The following PRKG1 variants were observed in gnomAD, a reference collection of about 807,000 sequenced individuals.
PRKG1 encodes the protein protein kinase cGMP-dependent 1.
A neutral mutation model predicts 88.1 loss-of-function variants in PRKG1; 35 were observed. The ratio of observed to expected loss-of-function variants is 0.40; its 90% CI spans 0.30 to 0.53. The LOEUF (loss-of-function observed/expected upper bound fraction) is 0.53, where lower values mean the gene tolerates loss of function less well. Ranked by LOEUF, PRKG1 falls within the 20% of genes least tolerant of loss-of-function variation. The pLI is 0.59. For missense variants in PRKG1, 540 were observed against 839.8 expected, an observed-to-expected ratio of 0.64 and a Z score of 4.41; for synonymous variants, 303 against 292.5, an observed-to-expected ratio of 1.04 and a Z score of -0.37.
At chr10:51,349,454 T>TTGTGTGTGTGTGTG (rs34302728) in intron 2 of PRKG1, among the ~76,000 whole-genome samples, 4 of 97,358 alleles carry the variant, frequency 4.1e-5, no homozygotes, top group African/African-American at 1.5e-4. Flanking sequence ...TTCATATTGT[T>TTGTGTGTGTGTGTG]TGTGTGTGTG....
At chr10:51,323,268 C>A (rs957950047) in intron 2 of PRKG1, among the ~76,000 whole-genome samples, 1 of 152,098 alleles carries the variant, frequency 6.6e-6, no homozygotes, top group African/African-American at 2.4e-5. Context: ...AAATAATTAC[C>A]TTTTTATCTC....
At chr10:51,886,023 C>A (rs964660437) in intron 4 of PRKG1, among the ~76,000 whole-genome samples, 3 of 152,086 alleles carry the variant, frequency 2.0e-5, no homozygotes, top group African/African-American at 7.2e-5. Flanking sequence ...CTTTTCTTTT[C>A]TTTTAAAAAA....
chr10:51,457,113 A>C (rs931965619), intron 2 of PRKG1, among the ~76,000 whole-genome samples: 4 of 152,216 alleles, frequency 2.6e-5, no homozygotes, highest in Non-Finnish European at 4.4e-5. Context: ...TACATGAAAA[A>C]GACACTTGCA....
intron 9 of PRKG1, among the ~76,000 whole-genome samples, chr10:52,206,543 G>T (rs1394228509): frequency 6.6e-6 from 1 of 152,202 alleles, no homozygotes; most frequent in Non-Finnish European, 1.5e-5. Context: ...GGAAGGTGAT[G>T]TTCCTTAATC....
intron 7 of PRKG1, chr10:52,128,640 A>G (rs1004089596): frequency 1.4e-5 from 13 of 941,590 alleles, no homozygotes; most frequent in Non-Finnish European, 1.4e-5. Flanking sequence ...AAAATGTTAG[A>G]AGTGGCTTAA....
chr10:51,711,597 C>G (rs933801725), intron 3 of PRKG1, among the ~76,000 whole-genome samples: 7 of 152,152 alleles, frequency 4.6e-5, no homozygotes, highest in African/African-American at 1.7e-4. Flanking sequence ...CTGAAGTTGT[C>G]TTGCCTTTAG....
intron 5 of PRKG1, among the ~76,000 whole-genome samples, chr10:52,034,301 A>C: frequency 7.3e-6 from 1 of 137,078 alleles, no homozygotes. Flanking sequence ...TGGAGAGAGA[A>C]TGGGCGATGT....
chr10:51,354,908 T>C (rs1842331721), intron 2 of PRKG1, among the ~76,000 whole-genome samples: 1 of 152,086 alleles, frequency 6.6e-6, no homozygotes, highest in African/African-American at 2.4e-5. Flanking sequence ...GCTCAGATGC[T>C]GACAGTTATA....
intron 3 of PRKG1, among the ~76,000 whole-genome samples, chr10:51,681,826 A>G (rs1840857975): frequency 6.6e-6 from 1 of 152,210 alleles, no homozygotes; most frequent in South Asian, 2.1e-4. Flanking sequence ...GAAATGTTTA[A>G]TTGATATTAT....
chr10:51,930,032 C>G (rs993007436), intron 5 of PRKG1, among the ~76,000 whole-genome samples: 8 of 152,086 alleles, frequency 5.3e-5, no homozygotes, highest in Non-Finnish European at 1.2e-4. Flanking sequence ...TAGGTAGCAG[C>G]ATGTCTAGAG....
chr10:51,276,910 T>C (rs1840137231), intron 2 of PRKG1, among the ~76,000 whole-genome samples: 1 of 152,218 alleles, frequency 6.6e-6, no homozygotes, highest in South Asian at 2.1e-4. Context: ...ATTCTGTAGG[T>C]TGCCTGTTCA....
At chr10:51,358,512 A>G (rs895843800) in intron 2 of PRKG1, among the ~76,000 whole-genome samples, 11 of 151,954 alleles carry the variant, frequency 7.2e-5, no homozygotes, top group African/African-American at 2.4e-4. Flanking sequence ...TTTAGAAAAT[A>G]TAGTCTGCTA....
intron 3 of PRKG1, among the ~76,000 whole-genome samples, chr10:51,506,557 A>G (rs1396420942): frequency 6.6e-6 from 1 of 152,238 alleles, no homozygotes; most frequent in East Asian, 1.9e-4. Flanking sequence ...AAAAATGCTC[A>G]TCATCACTGG....
At chr10:51,700,183 T>C (rs1444930836) in intron 3 of PRKG1, among the ~76,000 whole-genome samples, 2 of 152,222 alleles carry the variant, frequency 1.3e-5, no homozygotes, top group Non-Finnish European at 2.9e-5. Context: ...ACAAGAAATA[T>C]AAACTGAAGC....
chr10:51,083,528 T>TTC (rs1554834685), intron 1 of PRKG1, among the ~76,000 whole-genome samples: 33 of 151,414 alleles, frequency 2.2e-4, no homozygotes, highest in Non-Finnish European at 8.8e-5. Context: ...TTTTTTTTTT[T>TTC]CCTACAGATA....
chr10:51,601,230 A>T (rs1255441169), intron 3 of PRKG1, among the ~76,000 whole-genome samples: 1 of 151,868 alleles, frequency 6.6e-6, no homozygotes, highest in East Asian at 1.9e-4. Context: ...CAGATTAGCT[A>T]CTCCCCATAT....
At chr10:51,426,680 A>C (rs916666974) in intron 2 of PRKG1, among the ~76,000 whole-genome samples, 1 of 152,122 alleles carries the variant, frequency 6.6e-6, no homozygotes, top group Non-Finnish European at 1.5e-5. Flanking sequence ...AAAGACAAAA[A>C]TATATGTGTG....
At chr10:51,755,150 T>C (rs1837826326) in intron 3 of PRKG1, among the ~76,000 whole-genome samples, 1 of 152,198 alleles carries the variant, frequency 6.6e-6, no homozygotes, top group Non-Finnish European at 1.5e-5. Flanking sequence ...CTTAATTGCT[T>C]TAGATCATTC....
chr10:51,435,441 T>TGTC, intron 2 of PRKG1, among the ~76,000 whole-genome samples: 1 of 151,784 alleles, frequency 6.6e-6, no homozygotes, highest in African/African-American at 2.4e-5. Flanking sequence ...TATATATATA[T>TGTC]ATGTCATATG....
Sources: gnomAD v4.1 joint callset for allele counts (sites outside exome capture counted in the v4.1 genomes callset) on GRCh38, gnomAD v4.1.1 for gene constraint, MANE v1.5 for transcripts, NCBI Gene and HGNC (gene_info 2026-07-23, HGNC 2026-07-21) for gene names.